CNTNAP3B: variants seen among roughly 807,000 people sequenced by gnomAD.
The protein encoded by CNTNAP3B is contactin-associated protein-like 3B.
In CNTNAP3B, 25 loss-of-function variants were observed where a neutral mutation model predicts 108.9. The observed-to-expected ratio is 0.23, with a 90% CI of 0.17 to 0.32. The LOEUF (loss-of-function observed/expected upper bound fraction) is 0.32. Ranked by LOEUF, CNTNAP3B falls within the 10% of genes least tolerant of loss-of-function variation. The pLI is 1.00. For synonymous variants in CNTNAP3B, 103 were observed against 473.4 expected (o/e 0.22, Z 10.16); for missense variants, 252 against 1,210.4 (o/e 0.21, Z 11.75).
rs556775944 is a variant in CNTNAP3B, at chr9:42,114,813, G to A, written c.86-10074C>T. Among the ~76,000 whole-genome samples, 50 of 138,160 alleles carry A rather than the reference G, an allele frequency of 3.6e-4. 9 individuals are homozygous for A. Among genetic ancestry groups the A allele is most frequent in the East Asian group, 2.7e-3 (12 of 4,524 alleles). The allele number at this position is 138,160 out of a possible 152,430, so 90.6% of individuals were successfully genotyped here. A position where few individuals can be genotyped will look rare whatever the true frequency, so the allele number is the denominator to read the frequency against. ...AAGAATATTTACAGTGAGACTGGGC[G>A]CAGTGGTCAAGATGGGTGGATCACA... On this transcript the variant is annotated intron_variant, in intron 1 of 23. Transcript: ENST00000377561.
intron 12 of CNTNAP3B, among the ~76,000 whole-genome samples, chr9:41,957,538 C>T (rs1389502027): frequency 7.1e-5 from 10 of 140,916 alleles, no homozygotes; most frequent in African/African-American, 2.5e-4. Context: ...ATAAGCCCAT[C>T]AAAGGCATTC....
In CNTNAP3B at chr9:42,120,841, A is replaced by T. The variant is rs1319342846; in HGVS notation, c.85+8169T>A. On this transcript the variant is annotated intron_variant, in intron 1 of 23. Coordinates refer to ENST00000377561, the MANE Select transcript of CNTNAP3B (RefSeq NM_001201380.3). Reference sequence around the variant, plus strand: ...CTGTCGCGGGGTGGGGGGAGGGGGGAGGGATAGCATTAGGAGATATACCTA... The same window carrying T: ...CTGTCGCGGGGTGGGGGGAGGGGGGTGGGATAGCATTAGGAGATATACCTA... 2.7e-5 allele frequency among the ~76,000 whole-genome samples: 2 copies of T among 74,454 alleles called. 1 individual carries two copies. Among genetic ancestry groups the T allele is most frequent in the African/African-American group, 1.3e-4 (2 of 15,978 alleles). 48.8% of individuals were successfully genotyped at this position (74,454 alleles called of 152,430 possible).
intron 13 of CNTNAP3B, among the ~76,000 whole-genome samples, chr9:41,944,451 A>C (rs1422829826): frequency 6.6e-6 from 1 of 152,212 alleles, no homozygotes; most frequent in Non-Finnish European, 1.5e-5. Context: ...CAGCACCATT[A>C]ATGAAGTGGA....
intron 3 of CNTNAP3B, among the ~76,000 whole-genome samples, chr9:42,058,339 C>T (rs1232651148): frequency 6.6e-6 from 1 of 152,022 alleles, no homozygotes; most frequent in East Asian, 1.9e-4. Flanking sequence ...CAACAGTATA[C>T]AGGGATCCTC....
intron 14 of CNTNAP3B, among the ~76,000 whole-genome samples, chr9:41,937,431 T>C (rs1251705070): frequency 1.4e-5 from 2 of 147,958 alleles, no homozygotes; most frequent in African/African-American, 5.2e-5. Flanking sequence ...CTGGCCTAAG[T>C]TTTTTTTTAA....
At chr9:41,923,310 TA>T (rs879303490) in intron 16 of CNTNAP3B, among the ~76,000 whole-genome samples, 75 of 150,248 alleles carry the variant, frequency 5.0e-4, no homozygotes, top group Non-Finnish European at 9.5e-4. Flanking sequence ...TTTGGGTACA[TA>T]AAAAACAATA....
chr9:42,035,361 C>T (rs62554963), intron 3 of CNTNAP3B, among the ~76,000 whole-genome samples: 1,630 of 146,280 alleles, frequency 0.011, 46 homozygotes, highest in South Asian at 0.047. Flanking sequence ...TTCAATATGG[C>T]CTGCTCAGAG....
intron 14 of CNTNAP3B, among the ~76,000 whole-genome samples, chr9:41,935,638 C>T (rs1436253427): frequency 3.9e-5 from 6 of 152,246 alleles, no homozygotes; most frequent in Non-Finnish European, 7.3e-5. Flanking sequence ...CCCACATTTA[C>T]AAAACAATCT....
At chr9:41,972,627 A>C (rs1464099507) in intron 9 of CNTNAP3B, among the ~76,000 whole-genome samples, 1 of 137,978 alleles carries the variant, frequency 7.2e-6, no homozygotes, top group African/African-American at 2.9e-5. Context: ...AACCTCACAG[A>C]CACTTGGAAG....
intron 10 of CNTNAP3B, among the ~76,000 whole-genome samples, chr9:41,967,531 A>G (rs1825317936): frequency 6.6e-6 from 1 of 152,286 alleles, no homozygotes; most frequent in South Asian, 2.1e-4. Context: ...TAATACAATT[A>G]GATTTTTGTT....
At chr9:41,966,552 C>T (rs1377484554) in intron 10 of CNTNAP3B, among the ~76,000 whole-genome samples, 1 of 152,182 alleles carries the variant, frequency 6.6e-6, no homozygotes, top group African/African-American at 2.4e-5. Context: ...ACAGAGGCCT[C>T]CCTGCTCAGG....
intron 1 of CNTNAP3B, among the ~76,000 whole-genome samples, chr9:42,121,208 G>T (rs1435387335): frequency 7.2e-6 from 1 of 138,316 alleles, no homozygotes; most frequent in Non-Finnish European, 1.5e-5. Flanking sequence ...CCGGCTTCCT[G>T]AGAGCTTCCC....
In CNTNAP3B at chr9:42,110,901, C is replaced by T. The variant is rs189161966; in HGVS notation, c.86-6162G>A. Among the ~76,000 whole-genome samples, 58 of 139,888 alleles carry T rather than the reference C, an allele frequency of 4.1e-4. 4 individuals carry two copies. The South Asian group carries it at 7.6e-3, about 18-fold the overall frequency. The allele number at this position is 139,888 out of a possible 152,430, so 91.8% of individuals were successfully genotyped here. A position where few individuals can be genotyped will look rare whatever the true frequency, so the allele number is the denominator to read the frequency against. ...GCATTGCTATCTAGAGGGAATGCTT[C>T]GGAAAAAGTACATTTTACTCACAGT... On this transcript the variant is annotated intron_variant, in intron 1 of 23. Coordinates refer to ENST00000377561, the MANE Select transcript of CNTNAP3B (RefSeq NM_001201380.3).
At chr9:42,119,312 G>A (rs1274918061) in intron 1 of CNTNAP3B, among the ~76,000 whole-genome samples, 1 of 128,750 alleles carries the variant, frequency 7.8e-6, no homozygotes, top group Non-Finnish European at 1.6e-5. Context: ...ACAAACCACT[G>A]CTCAATGAAA....
chr9:41,918,082 G>A (rs1445019940), intron 18 of CNTNAP3B, among the ~76,000 whole-genome samples: 4 of 152,072 alleles, frequency 2.6e-5, no homozygotes, highest in Non-Finnish European at 5.9e-5. Flanking sequence ...TGTTTCGTAT[G>A]AGAGAGGGTT....
chr9:42,113,884 G>C (rs1378230955), intron 1 of CNTNAP3B, among the ~76,000 whole-genome samples: 1 of 138,956 alleles, frequency 7.2e-6, no homozygotes, highest in East Asian at 2.2e-4. Context: ...TTGCATGCCT[G>C]TATCAAAACA....
intron 3 of CNTNAP3B, among the ~76,000 whole-genome samples, chr9:42,030,785 ATGTGTGCGAGAGAGAGAGAGAGAGAGAG>A (rs1826504727): frequency 2.3e-5 from 1 of 42,814 alleles, no homozygotes; most frequent in Non-Finnish European, 4.8e-5. Context: ...AGAGAGAGAG[ATGTGTGCGAGAGAGAGAGAGAGAGAGAG>A]GAGAGAGAGA....
chr9:42,056,326 T>TTTTTTTA (rs1554753495), intron 3 of CNTNAP3B, among the ~76,000 whole-genome samples: 24 of 129,112 alleles, frequency 1.9e-4, no homozygotes, highest in African/African-American at 7.2e-4. Flanking sequence ...TCTCATGAAT[T>TTTTTTTA]TTATTATTAT....
intron 3 of CNTNAP3B, among the ~76,000 whole-genome samples, chr9:42,051,964 T>A (rs534285015): frequency 6.6e-6 from 1 of 151,780 alleles, no homozygotes; most frequent in South Asian, 2.1e-4. Context: ...CTCTCTCTTG[T>A]AAAAAGAATG....
Sources: gnomAD v4.1 joint callset for allele counts (sites outside exome capture counted in the v4.1 genomes callset) on GRCh38, gnomAD v4.1.1 for gene constraint, MANE v1.5 for transcripts, NCBI Gene and HGNC (gene_info 2026-07-23, HGNC 2026-07-21) for gene names.